Variants in ABCG8 observed in about 807,000 individuals in gnomAD.
The protein encoded by ABCG8 is ATP-binding cassette sub-family G member 8.
A neutral mutation model predicts 71.3 loss-of-function variants in ABCG8; 81 were observed. The observed-to-expected ratio is 1.14, with a 90% confidence interval of 0.95 to 1.37. ABCG8 has a LOEUF of 1.37. Ranked by LOEUF, ABCG8 falls within the 40% of genes most tolerant of loss-of-function variation. The pLI is 0.00. For synonymous variants in ABCG8, 451 were observed against 354.7 expected (o/e 1.27, Z -3.05); for missense variants, 1,119 against 866.2 (o/e 1.29, Z -3.66).
chr2:43,855,810 G>T (rs1669084058), intron 6 of ABCG8, among the ~76,000 whole-genome samples: 1 of 146,300 alleles, frequency 6.8e-6, no homozygotes, highest in African/African-American at 2.5e-5. Context: ...ATCTGGATGG[G>T]ATTCTCCCTC....
rs1231445229 is a variant in ABCG8 at position 43,880,541 on chromosome 2, T to C, written c.*2628T>C. ...CGATGTTTCTCCAGAGAATCTGGGTTCCTCTTAGTGGAAAATGGTATTTAG... is the reference window on the plus strand; with the variant it reads ...CGATGTTTCTCCAGAGAATCTGGGTCCCTCTTAGTGGAAAATGGTATTTAG... On this transcript the variant is annotated 3_prime_UTR_variant, in exon 13 of 13. Coordinates refer to ENST00000272286, the MANE Select transcript of ABCG8 (RefSeq NM_022437.3). The C allele has an allele frequency of 2.0e-5, 3 of 152,064 alleles. No homozygotes were observed. Among genetic ancestry groups the C allele is most frequent in the Non-Finnish European group, 2.9e-5 (2 of 68,000 alleles). 9.4% of individuals were successfully genotyped at this position (152,064 alleles called of 1,614,324 possible).
intron 11 of ABCG8, among the ~76,000 whole-genome samples, chr2:43,876,613 G>A (rs777770855): frequency 1.6e-4 from 25 of 151,624 alleles, no homozygotes; most frequent in Admixed American, 2.6e-4. Flanking sequence ...GAATATGCAG[G>A]AGACTGTGAG....
intron 4 of ABCG8, 75 bp downstream of exon 4, chr2:43,851,897 C>A: frequency 6.5e-7 from 1 of 1,527,304 alleles, no homozygotes; most frequent in Non-Finnish European, 9.0e-7. Context: ...TCCCCTGCTG[C>A]CTTGCCTCAG....
In ABCG8 at chr2:43,882,958, C is replaced by G. The variant is rs1670170875; in HGVS notation, c.*5045C>G. The G allele has an allele frequency of 6.6e-6, 1 of 152,188 alleles. No individual in the cohort carries two copies. Among genetic ancestry groups the G allele is most frequent in the Non-Finnish European group, 1.5e-5 (1 of 68,044 alleles). The allele number at this position is 152,188 out of a possible 1,614,324, so 9.4% of individuals were successfully genotyped here. Reference sequence around the variant, plus strand: ...AAACTGCTAATAAGCTCTACTGACCCATGCTAAAAATAAAGCTCTTTCGGC... The same window carrying G: ...AAACTGCTAATAAGCTCTACTGACCGATGCTAAAAATAAAGCTCTTTCGGC... On this transcript the variant is annotated 3_prime_UTR_variant, in exon 13 of 13. Coordinates refer to ENST00000272286, the MANE Select transcript of ABCG8 (RefSeq NM_022437.3).
chr2:43,868,441 G>T (rs1669613327), intron 6 of ABCG8, among the ~76,000 whole-genome samples: 1 of 151,980 alleles, frequency 6.6e-6, no homozygotes, highest in Non-Finnish European at 1.5e-5. Flanking sequence ...CCTCTGGATA[G>T]AATTCGCACT....
chr2:43,873,184 C>A (rs184166814), intron 8 of ABCG8, among the ~76,000 whole-genome samples: 42 of 147,492 alleles, frequency 2.8e-4, no homozygotes, highest in African/African-American at 1.1e-3. Context: ...CATCATTGAG[C>A]GTACATTTTT....
At chr2:43,861,275 A>T (rs1380134784) in intron 6 of ABCG8, among the ~76,000 whole-genome samples, 1 of 151,144 alleles carries the variant, frequency 6.6e-6, no homozygotes, top group Non-Finnish European at 1.5e-5. Flanking sequence ...CTTGGAAAGA[A>T]TGCTCACTAT....
chr2:43,875,005 G>A (rs1669910182), intron 10 of ABCG8, 141 bp from the exon 11 acceptor site: 4 of 1,212,808 alleles, frequency 3.3e-6, no homozygotes, highest in Non-Finnish European at 4.7e-6. Context: ...ATGCTCCTGG[G>A]TCCCAGCACA....
At chr2:43,860,893 T>C (rs1669290981) in intron 6 of ABCG8, among the ~76,000 whole-genome samples, 1 of 150,948 alleles carries the variant, frequency 6.6e-6, no homozygotes, top group South Asian at 2.1e-4. Flanking sequence ...TGCATAGAAC[T>C]CTCACTGTCT....
intron 6 of ABCG8, among the ~76,000 whole-genome samples, chr2:43,854,580 T>C (rs1370036701): frequency 4.0e-5 from 6 of 148,162 alleles, no homozygotes; most frequent in African/African-American, 1.5e-4. Flanking sequence ...TGAGCTGAGA[T>C]TGTGCCACTG....
At chr2:43,854,347 G>T (rs1669027339) in intron 6 of ABCG8, among the ~76,000 whole-genome samples, 1 of 152,170 alleles carries the variant, frequency 6.6e-6, no homozygotes, top group Non-Finnish European at 1.5e-5. Context: ...GGGAGGAAGG[G>T]CCGGGTGCAG....
intron 1 of ABCG8, among the ~76,000 whole-genome samples, chr2:43,839,327 G>A (rs1173404146): frequency 4.7e-5 from 7 of 149,358 alleles, no homozygotes; most frequent in Non-Finnish European, 1.0e-4. Context: ...CCTGCCCTAA[G>A]AAATGCTCTT....
At position 43,862,915 on chromosome 2, in the gene ABCG8, C is replaced by T. The variant is rs186482342; in HGVS notation, c.965-9061C>T. On this transcript the variant is annotated intron_variant, in intron 6 of 12. Coordinates refer to ENST00000272286, the MANE Select transcript of ABCG8 (RefSeq NM_022437.3). ...TTTCACCATCTGGAAACAACTCTTA[C>T]AATCTGGATAGGATTCTCACTCTCT... 2.6e-5 allele frequency among the ~76,000 whole-genome samples: 4 copies of T among 151,036 alleles called. 1 individual carries two copies. The highest frequency in any genetic ancestry group is 9.7e-5 in the African/African-American group (4 of 41,326).
rs1050107206 is a variant in ABCG8, at chr2:43,881,124, C to A, written c.*3211C>A. 5.9e-5 allele frequency: 9 copies of A among 152,290 alleles called. No individual in the cohort carries two copies. The highest frequency in any genetic ancestry group is 1.9e-4 in the African/African-American group (8 of 41,470). 9.4% of individuals were successfully genotyped at this position (152,290 alleles called of 1,614,324 possible). A position where few individuals can be genotyped will look rare whatever the true frequency, so the allele number is the denominator to read the frequency against. On this transcript the variant is annotated 3_prime_UTR_variant, in exon 13 of 13. Coordinates refer to ENST00000272286, the MANE Select transcript of ABCG8 (RefSeq NM_022437.3). ...GCAGTGATTGACAGCCACTAAGATA[C>A]ATCACCTGACTTTGTGAGTTCACCA...
chr2:43,840,313 G>T (rs912923109), intron 1 of ABCG8, among the ~76,000 whole-genome samples: 4 of 152,140 alleles, frequency 2.6e-5, no homozygotes, highest in African/African-American at 9.7e-5. Flanking sequence ...TACCCTGTGG[G>T]GCCCACCACT....
intron 11 of ABCG8, among the ~76,000 whole-genome samples, chr2:43,877,151 T>A (rs1260559420): frequency 6.9e-6 from 1 of 144,736 alleles, no homozygotes; most frequent in Non-Finnish European, 1.5e-5. Flanking sequence ...ATGAGGAGAC[T>A]GTGTGAATAT....
chr2:43,861,824 C>G (rs1299380406), intron 6 of ABCG8, among the ~76,000 whole-genome samples: 1 of 151,220 alleles, frequency 6.6e-6, no homozygotes, highest in Non-Finnish European at 1.5e-5. Context: ...AGAATTCTCA[C>G]TCTCTGGGTA....
intron 6 of ABCG8, among the ~76,000 whole-genome samples, chr2:43,868,258 A>G (rs2104940598): frequency 6.6e-6 from 1 of 151,716 alleles, no homozygotes; most frequent in African/African-American, 2.4e-5. Context: ...TAGAATTCTC[A>G]CTCTCTGGAT....
rs149607214 is a variant in ABCG8 at position 43,868,719 on chromosome 2, T to G, written c.965-3257T>G. Among the ~76,000 whole-genome samples the G allele has an allele frequency of 4.5e-3, 684 of 151,352 alleles. 10 individuals are homozygous for G. The highest frequency in any genetic ancestry group is 2.9e-3 in the Non-Finnish European group (197 of 67,738). ...GGATAGAATTCTCAGCATCTGGATATAATTCCCACTATCGATCAGGATAGA... is the reference window on the plus strand; with the variant it reads ...GGATAGAATTCTCAGCATCTGGATAGAATTCCCACTATCGATCAGGATAGA... On this transcript the variant is annotated intron_variant, in intron 6 of 12. Transcript: ENST00000272286.
Sources: allele counts gnomAD v4.1 joint callset (sites outside exome capture counted in the v4.1 genomes callset), GRCh38; gene constraint gnomAD v4.1.1; transcripts MANE v1.5; gene names NCBI Gene and HGNC (gene_info 2026-07-23, HGNC 2026-07-21).